Variants in BEGAIN observed in about 807,000 individuals in gnomAD.
The protein encoded by BEGAIN is brain-enriched guanylate kinase-associated protein.
BEGAIN carries 19 observed loss-of-function variants against 35.8 expected under a neutral mutation model. The observed-to-expected ratio is 0.53, with a 90% CI of 0.37 to 0.78. The LOEUF is 0.78. Among genes scored for constraint, BEGAIN ranks in the 30% least tolerant of loss-of-function variants. The pLI, the probability that BEGAIN is intolerant of heterozygous loss-of-function variation, is 0.00. For synonymous variants in BEGAIN, 462 were observed against 388.6 expected (o/e 1.19, Z -2.22); for missense variants, 795 against 853.6 (o/e 0.93, Z 0.85).
intron 2 of BEGAIN, among the ~76,000 whole-genome samples, chr14:100,555,340 G>A (rs568368964): frequency 6.6e-6 from 1 of 152,238 alleles, no homozygotes; most frequent in Non-Finnish European, 1.5e-5. Flanking sequence ...TGTGTTCCCT[G>A]TGCCCGTGGC....
Position 100,563,812 on chromosome 14 carries a change from C to T in BEGAIN, c.71+4099G>A, listed in dbSNP as rs556151301. Among the ~76,000 whole-genome samples the T allele has an allele frequency of 1.7e-3, 254 of 152,316 alleles. 5 individuals are homozygous for T. The highest frequency in any genetic ancestry group is 6.8e-3 in the Middle Eastern group (2 of 294). The stretch of plus-strand genomic sequence containing the variant: ...GCCCGGCAGTCTGCCAGGGAACAAA[C>T]GGATTTCAGGGAAGCCACCATGACA... On this transcript the variant is annotated intron_variant, in intron 2 of 6. Transcript: ENST00000554140. This position sits in a 1 kb window ranked among gnomAD's most constrained non-coding sequence, Gnocchi z 4.2.
At chr14:100,570,650 A>G (rs562091656) in intron 1 of BEGAIN, among the ~76,000 whole-genome samples, 1 of 152,298 alleles carries the variant, frequency 6.6e-6, no homozygotes, top group South Asian at 2.1e-4. Flanking sequence ...CTCTCCATGC[A>G]GGAGTGACAC....
chr14:100,560,801 TCTC>T (rs1194296361), intron 2 of BEGAIN, among the ~76,000 whole-genome samples: 6 of 152,224 alleles, frequency 3.9e-5, no homozygotes, highest in Non-Finnish European at 7.4e-5. Flanking sequence ...CCCTGTCCCA[TCTC>T]CTGCTTCCCG....
At chr14:100,553,239 G>A (rs963509376) in intron 2 of BEGAIN, among the ~76,000 whole-genome samples, 1 of 152,094 alleles carries the variant, frequency 6.6e-6, no homozygotes, top group Non-Finnish European at 1.5e-5. Context: ...CCTGTGTCCC[G>A]TTCTCACTGG....
intron 2 of BEGAIN, among the ~76,000 whole-genome samples, chr14:100,559,910 G>A (rs1262017163): frequency 6.6e-6 from 1 of 152,242 alleles, no homozygotes; most frequent in African/African-American, 2.4e-5. Context: ...GGAGGGAGGC[G>A]CCGGGGCCGA....
In BEGAIN at chr14:100,546,556, T is replaced by G; in HGVS notation, c.178A>C (p.Ile60Leu). 1 of 1,584,478 alleles carries G rather than the reference T, an allele frequency of 6.3e-7. No individual in the cohort carries two copies. Among genetic ancestry groups the G allele is most frequent in the Non-Finnish European group, 8.5e-7 (1 of 1,169,692 alleles). The change falls in exon 3 of 7, where the codon ATC (isoleucine) becomes CTC (leucine). Residue 60 changes from isoleucine to leucine, a missense_variant. By Grantham distance (5) the Ile-to-Leu change is conservative (BLOSUM62 2). Transcript: ENST00000554140. Reference protein sequence around the residue: ...EFDSTRHYLEIELRRAQEELE... With the variant: ...EFDSTRHYLELELRRAQEELE... ...TCCTCCTGCGCGCGCCGCAGCTCGATCTCCAGGTAGTGGCGCGTGGAGTCG... is the reference window on the plus strand; with the variant it reads ...TCCTCCTGCGCGCGCCGCAGCTCGAGCTCCAGGTAGTGGCGCGTGGAGTCG...
chr14:100,574,026 C>T lies in BEGAIN; in HGVS notation c.43-6087G>A, dbSNP rs904096534. ...GTCTCAAGGAGGAGAGCGGGATCAT[C>T]GGTGTCATGCGCTGACCCACAGGTA... On this transcript the variant is annotated intron_variant, in intron 1 of 6. Coordinates refer to ENST00000554140, the MANE Select transcript of BEGAIN (RefSeq NM_001385089.1). Among the ~76,000 whole-genome samples, 8 of 152,104 alleles carry T rather than the reference C, an allele frequency of 5.3e-5. No individual in the cohort carries two copies. The East Asian group carries it at 9.6e-4, about 18-fold the overall frequency.
chr14:100,550,225 G>T (rs1412352401), intron 2 of BEGAIN, among the ~76,000 whole-genome samples: 3 of 152,098 alleles, frequency 2.0e-5, no homozygotes, highest in Non-Finnish European at 4.4e-5. Context: ...CTTGCAGGGG[G>T]TCCAAGCCCA....
At chr14:100,544,969 TG>T in intron 4 of BEGAIN, 30 bp downstream of exon 4, 4 of 1,601,916 alleles carry the variant, frequency 2.5e-6, no homozygotes, top group Non-Finnish European at 8.5e-7. Flanking sequence ...AGGTGTGGGG[TG>T]GGGGAGTGGG....
intron 3 of BEGAIN, chr14:100,546,101 T>G (rs1252579026): frequency 6.0e-6 from 1 of 166,406 alleles, no homozygotes; most frequent in Non-Finnish European, 1.4e-5. Context: ...CTGGTTCATC[T>G]CCGGGCTAGA....
intron 1 of BEGAIN, chr14:100,569,049 T>C: frequency 7.5e-6 from 5 of 667,186 alleles, no homozygotes; most frequent in Non-Finnish European, 5.6e-6. Context: ...AGCGCCAAGC[T>C]AGAAGGCCCG....
rs1201252783 is a variant in BEGAIN, at chr14:100,585,405, C to A, written c.42+1844G>T. 1.0e-3 allele frequency among the ~76,000 whole-genome samples: 75 copies of A among 71,990 alleles called. 1 individual carries two copies. The highest frequency in any genetic ancestry group is 3.6e-3 in the African/African-American group (72 of 20,052). The allele number at this position is 71,990 out of a possible 152,430, so 47.2% of individuals were successfully genotyped here. On this transcript the variant is annotated intron_variant, in intron 1 of 6. Coordinates refer to ENST00000554140, the MANE Select transcript of BEGAIN (RefSeq NM_001385089.1). The stretch of plus-strand genomic sequence containing the variant: ...ATCCATCCATCCCTCCCATCCATCC[C>A]TCCCTCCCTCCCATCCATCCATCCA...
rs1281370112 is a variant in BEGAIN at position 100,567,520 on chromosome 14, G to A, written c.71+391C>T. On this transcript the variant is annotated intron_variant, in intron 2 of 6. Coordinates refer to ENST00000554140, the MANE Select transcript of BEGAIN (RefSeq NM_001385089.1). The surrounding 1 kb of genome is among the most constrained non-coding windows in gnomAD (Gnocchi z 5.1). ...GGTTGGGGGTGGGGTGGGGTCGGGGGAGAGAGCGCCGGGGCAGTGCGGAAC... is the reference window on the plus strand; with the variant it reads ...GGTTGGGGGTGGGGTGGGGTCGGGGAAGAGAGCGCCGGGGCAGTGCGGAAC... Among the ~76,000 whole-genome samples the A allele has an allele frequency of 3.3e-5, 5 of 152,006 alleles. 1 individual carries two copies. The South Asian group carries it at 1.0e-3, about 31-fold the overall frequency.
intron 2 of BEGAIN, among the ~76,000 whole-genome samples, chr14:100,566,158 G>T (rs1338334166): frequency 1.3e-5 from 2 of 152,232 alleles, no homozygotes; most frequent in African/African-American, 4.8e-5. Context: ...CTCCAGAAAG[G>T]CCACATGGCC....
At position 100,558,678 on chromosome 14, in the gene BEGAIN, C is replaced by G. The variant is rs1327167563; in HGVS notation, c.71+9233G>C. Among the ~76,000 whole-genome samples, 1 of 152,212 alleles carries G rather than the reference C, an allele frequency of 6.6e-6. No homozygotes were observed. The highest frequency in any genetic ancestry group is 1.5e-5 in the Non-Finnish European group (1 of 68,032). On this transcript the variant is annotated intron_variant, in intron 2 of 6. Coordinates refer to ENST00000554140, the MANE Select transcript of BEGAIN (RefSeq NM_001385089.1). This position sits in a 1 kb window ranked among gnomAD's most constrained non-coding sequence, Gnocchi z 4.6. Reference sequence around the variant, plus strand: ...CACCCTGCAGCAAGACAAGTCCTCTCCTGTGCCTCGATGCATCCTTGACTC... The same window carrying G: ...CACCCTGCAGCAAGACAAGTCCTCTGCTGTGCCTCGATGCATCCTTGACTC...
rs2035449315 is a variant in BEGAIN, at chr14:100,586,581, C to T, written c.42+668G>A. 6.6e-6 allele frequency among the ~76,000 whole-genome samples: 1 copy of T among 152,144 alleles called. No individual in the cohort carries two copies. Among genetic ancestry groups the T allele is most frequent in the Non-Finnish European group, 1.5e-5 (1 of 68,032 alleles). On this transcript the variant is annotated intron_variant, in intron 1 of 6. Coordinates refer to ENST00000554140, the MANE Select transcript of BEGAIN (RefSeq NM_001385089.1). The surrounding 1 kb of genome is among the most constrained non-coding windows in gnomAD (Gnocchi z 4.9). ...GAAACGCTGGGGCAGAAATTCCCATCCAACGTGCTGGGGCTCAGGGAGGGT... is the reference window on the plus strand; with the variant it reads ...GAAACGCTGGGGCAGAAATTCCCATTCAACGTGCTGGGGCTCAGGGAGGGT...
Position 100,538,408 on chromosome 14 carries a change from T to C in BEGAIN, c.1400A>G (p.Tyr467Cys). 4 of 1,571,742 alleles carry C rather than the reference T, an allele frequency of 2.5e-6. No individual in the cohort carries two copies. The highest frequency in any genetic ancestry group is 3.4e-6 in the Non-Finnish European group (4 of 1,163,108). The change falls in exon 7 of 7, where the codon TAC becomes TGC. Residue 467 changes from tyrosine to cysteine, a missense_variant. Physicochemically the swap from Tyr to Cys is radical, Grantham distance 194. Coordinates refer to ENST00000554140, the MANE Select transcript of BEGAIN (RefSeq NM_001385089.1). Reference protein sequence around the residue: ...RASPCSFSERYYGGAGGSPGK... With the variant: ...RASPCSFSERCYGGAGGSPGK... The stretch of plus-strand genomic sequence containing the variant: ...CGGGCTGCCCCCGGCCCCGCCGTAG[T>C]AGCGTTCAGAGAAGCTGCAGGGTGA...
At chr14:100,542,537 A>C (rs1208813306) in intron 5 of BEGAIN, among the ~76,000 whole-genome samples, 1 of 151,860 alleles carries the variant, frequency 6.6e-6, no homozygotes, top group Non-Finnish European at 1.5e-5. Flanking sequence ...TGCATCTCCC[A>C]CCCAGCTCCT....
At chr14:100,584,681 C>G (rs2035396094) in intron 1 of BEGAIN, among the ~76,000 whole-genome samples, 1 of 152,152 alleles carries the variant, frequency 6.6e-6, no homozygotes, top group African/African-American at 2.4e-5. Flanking sequence ...GCTCTCAGGC[C>G]ACAGAAGTCA....
Sources: allele counts gnomAD v4.1 joint callset (sites outside exome capture counted in the v4.1 genomes callset), GRCh38; gene constraint gnomAD v4.1.1; non-coding constraint Gnocchi (gnomAD v3.1); transcripts MANE v1.5; gene names NCBI Gene and HGNC (gene_info 2026-07-23, HGNC 2026-07-21).